Variants in KLF12 observed in about 807,000 individuals in gnomAD.
The protein encoded by KLF12 is KLF transcription factor 12, also known as Krueppel-like factor 12.
In KLF12, 9 loss-of-function variants were observed where a neutral mutation model predicts 37.8. The ratio of observed to expected loss-of-function variants is 0.24; its 90% CI spans 0.14 to 0.42. KLF12 has a LOEUF of 0.42. Ranked by LOEUF, KLF12 falls within the 10% of genes least tolerant of loss-of-function variation. The pLI is 1.00. For synonymous variants in KLF12, 208 were observed against 202.1 expected, an observed-to-expected ratio of 1.03 and a Z score of -0.25; for missense variants, 411 against 516.0, an observed-to-expected ratio of 0.80 and a Z score of 1.97.
intron 3 of KLF12, among the ~76,000 whole-genome samples, chr13:73,928,009 C>A (rs773786378): frequency 1.3e-5 from 2 of 152,014 alleles, no homozygotes; most frequent in African/African-American, 2.4e-5. Context: ...AGGCACACAC[C>A]ACCACACCCA....
chr13:73,982,065 A>AAC (rs1891701862), intron 2 of KLF12, among the ~76,000 whole-genome samples: 2 of 151,872 alleles, frequency 1.3e-5, no homozygotes, highest in Admixed American at 1.3e-4. Flanking sequence ...AATACTTAAT[A>AAC]AATTATCTCC....
At chr13:73,931,522 A>G (rs1289042629) in intron 3 of KLF12, among the ~76,000 whole-genome samples, 1 of 152,040 alleles carries the variant, frequency 6.6e-6, no homozygotes. Context: ...TGAGAGGAGA[A>G]GAGCAAATTT....
chr13:74,220,891 T>C, the KLF12 span, among the ~76,000 whole-genome samples: 2 of 152,236 alleles, frequency 1.3e-5, no homozygotes, highest in South Asian at 4.1e-4. Context: ...GTATATATAA[T>C]GTCTTCATCA....
chr13:73,933,526 T>G (rs116404833), intron 3 of KLF12, among the ~76,000 whole-genome samples: 300 of 152,290 alleles, frequency 2.0e-3, no homozygotes, highest in African/African-American at 7.0e-3. Context: ...ACACAGGCAA[T>G]CAACAGGACT....
chr13:73,902,435 C>A (rs563389492), intron 3 of KLF12, among the ~76,000 whole-genome samples: 1 of 152,144 alleles, frequency 6.6e-6, no homozygotes. Context: ...ATTAGAATAT[C>A]ATTTCCATTT....
At chr13:73,941,478 A>G (rs1890182868) in intron 3 of KLF12, among the ~76,000 whole-genome samples, 1 of 152,242 alleles carries the variant, frequency 6.6e-6, no homozygotes, top group African/African-American at 2.4e-5. Context: ...TTTTTCTTAC[A>G]AAGAATTAAA....
intron 3 of KLF12, among the ~76,000 whole-genome samples, chr13:73,848,978 A>G (rs73535849): frequency 7.2e-5 from 11 of 152,280 alleles, no homozygotes; most frequent in African/African-American, 2.4e-4. Flanking sequence ...GCGTTGACAC[A>G]GCAGCATATC....
At chr13:74,054,388 A>G (rs1873121262) in intron 1 of KLF12, among the ~76,000 whole-genome samples, 1 of 152,212 alleles carries the variant, frequency 6.6e-6, no homozygotes, top group African/African-American at 2.4e-5. Context: ...GAGTTTTTCC[A>G]TCAGCATAAA....
intron 1 of KLF12, among the ~76,000 whole-genome samples, chr13:74,104,540 T>C (rs1382435062): frequency 1.3e-5 from 2 of 152,220 alleles, no homozygotes; most frequent in Non-Finnish European, 2.9e-5. Context: ...CTCACATTTC[T>C]CTCAGCTTTC....
chr13:74,257,700 T>G, the KLF12 span: 1 of 152,190 alleles, frequency 6.6e-6, no homozygotes, highest in African/African-American at 2.4e-5. Flanking sequence ...ATTATAAAAA[T>G]GATGCACTTT....
chr13:73,929,436 T>C (rs1408491016), intron 3 of KLF12, among the ~76,000 whole-genome samples: 1 of 152,146 alleles, frequency 6.6e-6, no homozygotes, highest in Non-Finnish European at 1.5e-5. Flanking sequence ...GAGTAGGACA[T>C]AAATACAGAA....
At chr13:73,853,034 AT>A (rs1885417164) in intron 3 of KLF12, among the ~76,000 whole-genome samples, 1 of 151,580 alleles carries the variant, frequency 6.6e-6, no homozygotes, top group South Asian at 2.1e-4. Flanking sequence ...CATGCGGCTA[AT>A]TTTTTGTATT....
chr13:73,774,935 T>TTA (rs397975309), intron 5 of KLF12, among the ~76,000 whole-genome samples: 1 of 148,006 alleles, frequency 6.8e-6, no homozygotes. Context: ...TTTTTTTTTT[T>TTA]AAGATGGAGT....
chr13:73,857,582 G>C (rs1055819896), intron 3 of KLF12, among the ~76,000 whole-genome samples: 2 of 152,134 alleles, frequency 1.3e-5, no homozygotes, highest in Non-Finnish European at 2.9e-5. Context: ...TGGGGAAATA[G>C]GGCTAACTTA....
the KLF12 span, among the ~76,000 whole-genome samples, chr13:74,199,757 G>A: frequency 1.3e-5 from 2 of 152,208 alleles, no homozygotes; most frequent in African/African-American, 2.4e-5. Context: ...TCATGGGAAT[G>A]GGCCTTAGGA....
At chr13:73,758,694 T>C (rs1879349841) in intron 6 of KLF12, among the ~76,000 whole-genome samples, 1 of 152,182 alleles carries the variant, frequency 6.6e-6, no homozygotes, top group Non-Finnish European at 1.5e-5. Context: ...CTCAGCATGA[T>C]CTTACAGCCT....
chr13:74,062,517 T>C (rs985472557), intron 1 of KLF12, among the ~76,000 whole-genome samples: 2 of 151,410 alleles, frequency 1.3e-5, no homozygotes, highest in African/African-American at 4.8e-5. Context: ...ACAATTAAAA[T>C]GCACTTCATG....
chr13:74,163,173 A>G, the KLF12 span, among the ~76,000 whole-genome samples: 1 of 152,204 alleles, frequency 6.6e-6, no homozygotes, highest in Non-Finnish European at 1.5e-5. Context: ...AGCAGTTTGG[A>G]GGTTCCTCAA....
At chr13:74,182,863 G>T in the KLF12 span, among the ~76,000 whole-genome samples, 1 of 151,906 alleles carries the variant, frequency 6.6e-6, no homozygotes, top group Non-Finnish European at 1.5e-5. Flanking sequence ...GAAGCAATAG[G>T]TATATAACAC....
Sources: allele counts gnomAD v4.1 joint callset (sites outside exome capture counted in the v4.1 genomes callset), GRCh38; gene constraint gnomAD v4.1.1; transcripts MANE v1.5; gene names NCBI Gene and HGNC (gene_info 2026-07-23, HGNC 2026-07-21).